KBTBD11: variants seen among roughly 807,000 people sequenced by gnomAD.
KBTBD11 encodes kelch repeat and BTB domain containing 11.
For missense variants in KBTBD11, 1,390 were observed against 1,001.8 expected (o/e 1.39, Z -5.23); for synonymous variants, 747 against 499.0 (o/e 1.50, Z -6.63).
chr8:2,001,542 C>T lies in KBTBD11; in HGVS notation c.350C>T (p.Pro117Leu), dbSNP rs1817357104. The change falls in exon 2 of 2, where the codon CCC (proline) becomes CTC (leucine). Residue 117 changes from proline to leucine, a missense_variant. By Grantham distance (98) the Pro-to-Leu change is moderately conservative (BLOSUM62 -3). Transcript: ENST00000320248. ...SPEPRVWLED[P>L]ASPEEPGEPA... ...GAACCGCGCGTTTGGCTTGAGGACC[C>T]CGCGTCCCCCGAGGAGCCCGGGGAG... is the stretch of plus-strand genomic sequence containing the variant. 7.0e-7 allele frequency: 1 copy of T among 1,434,908 alleles called. No homozygotes were observed. Among genetic ancestry groups the T allele is most frequent in the Non-Finnish European group, 9.1e-7 (1 of 1,099,798 alleles). 88.9% of individuals were successfully genotyped at this position (1,434,908 alleles called of 1,614,324 possible). A position where few individuals can be genotyped will look rare whatever the true frequency, so the allele number is the denominator to read the frequency against.
intron 1 of KBTBD11, among the ~76,000 whole-genome samples, chr8:1,995,679 G>C (rs1211836645): frequency 6.6e-6 from 1 of 152,074 alleles, no homozygotes; most frequent in Non-Finnish European, 1.5e-5. Flanking sequence ...AAATAACCTT[G>C]AAAAGCAATA....
At chr8:1,983,284 C>T (rs751180987) in intron 1 of KBTBD11, among the ~76,000 whole-genome samples, 3 of 152,204 alleles carry the variant, frequency 2.0e-5, no homozygotes, top group Non-Finnish European at 4.4e-5. Context: ...AAAGGATGAC[C>T]TCATCTAGGC....
rs1192320460 is a variant in KBTBD11, at chr8:2,001,698, C to T, written c.506C>T (p.Ala169Val). Residue 169 changes from alanine (A) to valine (V), a missense_variant, in exon 2 of 2, where the codon GCG becomes GTG. Ala to Val is a moderately conservative substitution (Grantham distance 64). Coordinates refer to ENST00000320248, the MANE Select transcript of KBTBD11 (RefSeq NM_014867.3). ...CGCAGCGACTACTTCCGCGCGCGCG[C>T]GTCGCGGGACGTGCTGCGGGTGCAG... is the stretch of plus-strand genomic sequence containing the variant. Reference protein sequence around the residue: ...AARSDYFRARASRDVLRVQGV... With the variant: ...AARSDYFRARVSRDVLRVQGV... The T allele has an allele frequency of 7.0e-7, 1 of 1,428,866 alleles. No homozygotes were observed. The highest frequency in any genetic ancestry group is 9.1e-7 in the Non-Finnish European group (1 of 1,096,122). The allele number at this position is 1,428,866 out of a possible 1,614,324, so 88.5% of individuals were successfully genotyped here.
At chr8:1,991,216 C>G (rs571302730) in intron 1 of KBTBD11, among the ~76,000 whole-genome samples, 19 of 152,368 alleles carry the variant, frequency 1.2e-4, no homozygotes, top group Non-Finnish European at 2.5e-4. Flanking sequence ...GGCACTCCTC[C>G]CTGCATGTGA....
intron 1 of KBTBD11, among the ~76,000 whole-genome samples, chr8:1,986,617 G>C (rs568110896): frequency 6.6e-6 from 1 of 152,128 alleles, no homozygotes; most frequent in Non-Finnish European, 1.5e-5. Flanking sequence ...CAGCAGCAGA[G>C]GCATGAAGAA....
At position 2,002,676 on chromosome 8, in the gene KBTBD11, T is replaced by C; in HGVS notation, c.1484T>C (p.Met495Thr). 12 of 1,568,020 alleles carry C rather than the reference T, an allele frequency of 7.7e-6. No homozygotes were observed. The highest frequency in any genetic ancestry group is 1.0e-5 in the Non-Finnish European group (12 of 1,166,030). ...CSSSRERSADMVALDGFIYRF... is the reference protein window; with the variant it reads ...CSSSRERSADTVALDGFIYRF... ...AGCAGCCGCGAGCGCTCGGCCGACA[T>C]GGTGGCTCTCGACGGCTTCATCTAC... is the stretch of plus-strand genomic sequence containing the variant. Residue 495 changes from methionine (M) to threonine (T), a missense_variant, in exon 2 of 2, where the codon ATG (methionine) becomes ACG (threonine). Coordinates refer to ENST00000320248, the MANE Select transcript of KBTBD11 (RefSeq NM_014867.3). This position sits in a 1 kb window ranked among gnomAD's most constrained non-coding sequence, Gnocchi z 4.1.
chr8:1,975,861 A>T (rs1462476838), intron 1 of KBTBD11: 1 of 152,234 alleles, frequency 6.6e-6, no homozygotes, highest in Non-Finnish European at 1.5e-5. Context: ...CTCCAATACA[A>T]ACCCGCTTCA....
rs760721755 is a variant in KBTBD11, at chr8:2,001,264, C to T, written c.72C>T (p.Ser24=). ...CCGGGGCTGCCGGGGAGAGCGAGAG[C>T]GAGGGCGCCGCGTCCCCGGCGCAGA... is the stretch of plus-strand genomic sequence containing the variant. ...TEPGAAGESE[S]EGAASPAQTP... is the part of the protein sequence containing the mutation. The change falls in exon 2 of 2, where the codon AGC becomes AGT. Residue 24 remains serine, a synonymous_variant. Transcript: ENST00000320248. The T allele has an allele frequency of 5.3e-6, 8 of 1,513,682 alleles. No homozygotes were observed. In the South Asian group the frequency reaches 9.9e-5, roughly 19 times the overall value. 93.8% of individuals were successfully genotyped at this position (1,513,682 alleles called of 1,614,324 possible).
At chr8:1,989,732 C>G (rs1242409687) in intron 1 of KBTBD11, among the ~76,000 whole-genome samples, 1 of 152,142 alleles carries the variant, frequency 6.6e-6, no homozygotes, top group Non-Finnish European at 1.5e-5. Context: ...CACGAGTGCC[C>G]CCTCACCTCC....
rs2129318182 is a variant in KBTBD11 at position 2,006,497 on chromosome 8, T to C, written c.*3433T>C. On this transcript the variant is annotated 3_prime_UTR_variant, in exon 2 of 2. Coordinates refer to ENST00000320248, the MANE Select transcript of KBTBD11 (RefSeq NM_014867.3). ...TTATTGTTCATAAGAAAACACGAGC[T>C]GAAAATGGAAATCTGCAGTTGTTTC... 1 of 167,168 alleles carries C rather than the reference T, an allele frequency of 6.0e-6. No homozygotes were observed. The highest frequency in any genetic ancestry group is 2.4e-5 in the African/African-American group (1 of 41,596). 10.4% of individuals were successfully genotyped at this position (167,168 alleles called of 1,614,324 possible). A position where few individuals can be genotyped will look rare whatever the true frequency, so the allele number is the denominator to read the frequency against.
intron 1 of KBTBD11, among the ~76,000 whole-genome samples, chr8:1,982,967 C>G (rs1816589388): frequency 6.6e-6 from 1 of 152,298 alleles, no homozygotes; most frequent in East Asian, 1.9e-4. Flanking sequence ...CTCAAGTGAT[C>G]TACTCACCTT....
intron 1 of KBTBD11, among the ~76,000 whole-genome samples, chr8:1,977,427 C>T (rs1205422237): frequency 2.0e-5 from 3 of 152,174 alleles, no homozygotes; most frequent in Non-Finnish European, 4.4e-5. Context: ...TGGCCACCTC[C>T]ATCTCATGCT....
intron 1 of KBTBD11, chr8:1,975,980 G>A (rs550753423): frequency 1.3e-5 from 2 of 152,200 alleles, no homozygotes; most frequent in African/African-American, 4.8e-5. Flanking sequence ...TGCTGTGGAC[G>A]CCTCCATCTG....
At chr8:1,993,905 G>T (rs1817029915) in intron 1 of KBTBD11, among the ~76,000 whole-genome samples, 1 of 104,440 alleles carries the variant, frequency 9.6e-6, no homozygotes, top group South Asian at 3.7e-4. Context: ...ATCAATATAT[G>T]AATACACAAT....
intron 1 of KBTBD11, among the ~76,000 whole-genome samples, chr8:1,989,592 C>G (rs918528408): frequency 6.6e-6 from 1 of 152,174 alleles, no homozygotes; most frequent in Non-Finnish European, 1.5e-5. Flanking sequence ...TTTAAAAAAT[C>G]CATTAATCAG....
chr8:1,999,475 C>G (rs1164819006), intron 1 of KBTBD11, among the ~76,000 whole-genome samples: 1 of 152,210 alleles, frequency 6.6e-6, no homozygotes, highest in Non-Finnish European at 1.5e-5. Flanking sequence ...GACTCTAAGA[C>G]TCTAAGTTTC....
intron 1 of KBTBD11, 60 bp downstream of exon 1, chr8:1,973,995 G>A (rs1163677602): frequency 1.0e-6 from 1 of 980,834 alleles, no homozygotes; most frequent in African/African-American, 1.8e-5. Context: ...GAAGCAGCCC[G>A]AGGCGCGGGT....
intron 1 of KBTBD11, among the ~76,000 whole-genome samples, chr8:1,987,586 C>G (rs1439853956): frequency 1.3e-5 from 2 of 152,116 alleles, no homozygotes; most frequent in Non-Finnish European, 2.9e-5. Flanking sequence ...TAGAACCTGT[C>G]AAGCTTGTCT....
rs1166094342 is a variant in KBTBD11, at chr8:2,002,819, C to T, written c.1627C>T (p.Leu543Phe). ...QWSPCVAPLR[L>F]PGGPTGLQPF... Reference sequence around the variant, plus strand: ...GAGCCCGTGCGTCGCGCCCCTGCGCCTCCCCGGCGGCCCCACGGGCCTGCA... The same window carrying T: ...GAGCCCGTGCGTCGCGCCCCTGCGCTTCCCCGGCGGCCCCACGGGCCTGCA... Residue 543 changes from leucine to phenylalanine, a missense_variant, in exon 2 of 2, where the codon CTC becomes TTC. By Grantham distance (22) the Leu-to-Phe change is conservative. Transcript: ENST00000320248. The surrounding 1 kb of genome is among the most constrained non-coding windows in gnomAD (Gnocchi z 4.1). The T allele has an allele frequency of 1.4e-6, 2 of 1,433,676 alleles. No homozygotes were observed. The highest frequency in any genetic ancestry group is 9.1e-7 in the Non-Finnish European group (1 of 1,102,414). The allele number at this position is 1,433,676 out of a possible 1,614,324, so 88.8% of individuals were successfully genotyped here. A position where few individuals can be genotyped will look rare whatever the true frequency, so the allele number is the denominator to read the frequency against.
Sources: gnomAD v4.1 joint callset for allele counts (sites outside exome capture counted in the v4.1 genomes callset) on GRCh38, gnomAD v4.1.1 for gene constraint, Gnocchi (gnomAD v3.1) non-coding constraint, MANE v1.5 for transcripts, NCBI Gene and HGNC (gene_info 2026-07-23, HGNC 2026-07-21) for gene names.